Variants in LRP1B observed in about 807,000 individuals in gnomAD.
The protein encoded by LRP1B is LDL receptor related protein 1B.
LRP1B carries 217 observed loss-of-function variants against 556.6 expected under a neutral mutation model. The ratio of observed to expected loss-of-function variants is 0.39; its 90% CI spans 0.35 to 0.44. LRP1B has a LOEUF of 0.44. LRP1B is among the 20% of genes least tolerant of loss of function. The pLI is 1.00. For synonymous variants in LRP1B, 2,047 were observed against 1,865.8 expected (o/e 1.10, Z -2.50); for missense variants, 5,053 against 5,620.8 (o/e 0.90, Z 3.23).
chr2:140,366,527 G>A (rs1221920203), intron 71 of LRP1B, among the ~76,000 whole-genome samples: 1 of 151,668 alleles, frequency 6.6e-6, no homozygotes, highest in Admixed American at 6.6e-5. Flanking sequence ...GTTATGATTT[G>A]AAGTTTAAAA....
In LRP1B at chr2:140,700,303, C is replaced by A. The variant is rs2105419845; in HGVS notation, c.6746G>T (p.Gly2249Val). Residue 2249 changes from glycine (G) to valine (V), a missense_variant, in exon 41 of 91, where the codon GGA becomes GTA. Transcript: ENST00000389484. Reference sequence around the variant, plus strand: ...GTTGTCTTTAATAAGCTGTATATTTCCAAAGTGTGCATCACTGTAAAAGAT... The same window carrying A: ...GTTGTCTTTAATAAGCTGTATATTTACAAAGTGTGCATCACTGTAAAAGAT... ...NRIFYSDAHF[G>V]NIQLIKDNWE... 1 of 1,612,610 alleles carries A rather than the reference C, an allele frequency of 6.2e-7. No homozygotes were observed. Among genetic ancestry groups the A allele is most frequent in the Non-Finnish European group, 8.5e-7 (1 of 1,179,146 alleles).
chr2:140,744,791 A>G (rs1478091503), intron 35 of LRP1B, among the ~76,000 whole-genome samples: 1 of 152,158 alleles, frequency 6.6e-6, no homozygotes, highest in Non-Finnish European at 1.5e-5. Flanking sequence ...ATCAAAGTAT[A>G]CTTTGGAGAA....
At chr2:140,542,381 A>T (rs1360230096) in intron 43 of LRP1B, among the ~76,000 whole-genome samples, 1 of 152,080 alleles carries the variant, frequency 6.6e-6, no homozygotes, top group African/African-American at 2.4e-5. Flanking sequence ...GCATATAAAG[A>T]ACCATAAGAT....
At chr2:140,958,597 C>T (rs963921809) in intron 18 of LRP1B, among the ~76,000 whole-genome samples, 3 of 151,494 alleles carry the variant, frequency 2.0e-5, no homozygotes, top group African/African-American at 7.3e-5. Context: ...GAGAGAAAAT[C>T]AGGATAGCAA....
At chr2:141,012,979 T>A (rs1438553532) in intron 14 of LRP1B, among the ~76,000 whole-genome samples, 1 of 150,340 alleles carries the variant, frequency 6.7e-6, no homozygotes, top group Non-Finnish European at 1.5e-5. Context: ...GTAGATGTCC[T>A]AATGAGTATT....
At chr2:141,064,086 A>G (rs1297359100) in intron 7 of LRP1B, among the ~76,000 whole-genome samples, 1 of 151,966 alleles carries the variant, frequency 6.6e-6, no homozygotes, top group Non-Finnish European at 1.5e-5. Context: ...TCTCAAGACA[A>G]GAACCTTGGA....
intron 66 of LRP1B, among the ~76,000 whole-genome samples, chr2:140,404,057 A>C (rs1217844207): frequency 6.6e-6 from 1 of 152,176 alleles, no homozygotes; most frequent in Non-Finnish European, 1.5e-5. Flanking sequence ...AATCATTTTT[A>C]AACAAACAAA....
chr2:140,779,670 G>A (rs1174261072), intron 32 of LRP1B, among the ~76,000 whole-genome samples: 4 of 149,346 alleles, frequency 2.7e-5, no homozygotes, highest in African/African-American at 7.4e-5. Flanking sequence ...ACTCGAGCCC[G>A]GGTGACAGAG....
At chr2:140,957,673 A>G (rs891217258) in intron 18 of LRP1B, among the ~76,000 whole-genome samples, 6 of 151,646 alleles carry the variant, frequency 4.0e-5, no homozygotes, top group Non-Finnish European at 8.9e-5. Flanking sequence ...TGAATGATAT[A>G]TAAAAACGTT....
chr2:141,393,716 T>G (rs7565413), intron 3 of LRP1B, among the ~76,000 whole-genome samples: 1 of 152,054 alleles, frequency 6.6e-6, no homozygotes, highest in African/African-American at 2.4e-5. Flanking sequence ...GGAAGACAAG[T>G]TGTACAGAAA....
At chr2:141,552,772 A>G (rs1233036564) in intron 2 of LRP1B, among the ~76,000 whole-genome samples, 1 of 151,180 alleles carries the variant, frequency 6.6e-6, no homozygotes, top group Non-Finnish European at 1.5e-5. Flanking sequence ...AATGTGTATT[A>G]AACCAATAAA....
intron 43 of LRP1B, among the ~76,000 whole-genome samples, chr2:140,550,766 A>T (rs1476292427): frequency 6.6e-6 from 1 of 152,136 alleles, no homozygotes; most frequent in South Asian, 2.1e-4. Context: ...ATAGCATGTC[A>T]TTTCCTAGTC....
rs1692993575 is a variant in LRP1B at position 140,867,702 on chromosome 2, G to C, written c.4467C>G (p.Thr1489=). Residue 1489 remains threonine, a synonymous_variant, in exon 27 of 91, where the codon ACC becomes ACG. Coordinates refer to ENST00000389484, the MANE Select transcript of LRP1B (RefSeq NM_018557.3). ...GSEVYWTDWR[T]NTLSKANKWT... is the part of the protein sequence containing the mutation. Reference sequence around the variant, plus strand: ...ACTTATTGGCTTTGGACAATGTGTTGGTCCTCCAGTCTGTCCAGTAGACTT... The same window carrying C: ...ACTTATTGGCTTTGGACAATGTGTTCGTCCTCCAGTCTGTCCAGTAGACTT... 1 of 1,613,240 alleles carries C rather than the reference G, an allele frequency of 6.2e-7. No homozygotes were observed. The highest frequency in any genetic ancestry group is 8.5e-7 in the Non-Finnish European group (1 of 1,179,616).
At chr2:141,359,680 C>T (rs1688747971) in intron 3 of LRP1B, among the ~76,000 whole-genome samples, 3 of 152,214 alleles carry the variant, frequency 2.0e-5, no homozygotes, top group South Asian at 4.1e-4. Context: ...CGCTTGAACC[C>T]GGGCAGCAGA....
intron 2 of LRP1B, among the ~76,000 whole-genome samples, chr2:141,759,675 C>T (rs1436240895): frequency 6.6e-6 from 1 of 151,978 alleles, no homozygotes; most frequent in Non-Finnish European, 1.5e-5. Flanking sequence ...CTGTTTATCT[C>T]TAGATAGAAA....
At chr2:140,345,675 G>C (rs939842126) in intron 77 of LRP1B, among the ~76,000 whole-genome samples, 1 of 141,976 alleles carries the variant, frequency 7.0e-6, no homozygotes. Flanking sequence ...TATATATATA[G>C]ATATATATAT....
chr2:141,000,603 C>A (rs1347697898), intron 15 of LRP1B, among the ~76,000 whole-genome samples: 1 of 151,708 alleles, frequency 6.6e-6, no homozygotes, highest in Admixed American at 6.6e-5. Flanking sequence ...TTCCTACATT[C>A]CACTTGCACT....
intron 5 of LRP1B, among the ~76,000 whole-genome samples, chr2:141,236,161 G>T (rs769308404): frequency 6.6e-6 from 1 of 151,812 alleles, no homozygotes; most frequent in Non-Finnish European, 1.5e-5. Context: ...TTATTTGGGG[G>T]GATTATTTAT....
chr2:140,587,944 A>C (rs1682053433), intron 43 of LRP1B, among the ~76,000 whole-genome samples: 1 of 152,154 alleles, frequency 6.6e-6, no homozygotes, highest in Non-Finnish European at 1.5e-5. Context: ...AATATTTCTC[A>C]AATATGAAAT....
Sources: allele counts gnomAD v4.1 joint callset (sites outside exome capture counted in the v4.1 genomes callset), GRCh38; gene constraint gnomAD v4.1.1; transcripts MANE v1.5; gene names NCBI Gene and HGNC (gene_info 2026-07-23, HGNC 2026-07-21).